Variants in CAMKK1 observed in about 807,000 individuals in gnomAD.
The protein encoded by CAMKK1 is calcium/calmodulin dependent protein kinase kinase 1, also known as calcium/calmodulin-dependent protein kinase kinase 1.
CAMKK1 carries 20 observed loss-of-function variants against 63.5 expected under a neutral mutation model. That is an observed-to-expected ratio of 0.32 (90% CI 0.22 to 0.46). CAMKK1 has a LOEUF of 0.46. Ranked by LOEUF, CAMKK1 falls within the 20% of genes least tolerant of loss-of-function variation. The pLI is 1.00. For synonymous variants in CAMKK1, 253 were observed against 269.0 expected (o/e 0.94, Z 0.58); for missense variants, 588 against 658.1 (o/e 0.89, Z 1.17).
Position 3,883,097 on chromosome 17 carries a change from T to C in CAMKK1, c.593A>G (p.Gln198Arg). Residue 198 changes from glutamine to arginine, a missense_variant, in exon 6 of 16, where the codon CAG (glutamine) becomes CGG (arginine). By Grantham distance (43) the Gln-to-Arg change is conservative. Around this residue, in one of 3 missense-constraint regions of CAMKK1, gnomAD observed 357 missense variants for 407.4 expected, o/e 0.88. Coordinates refer to ENST00000348335, the MANE Select transcript of CAMKK1 (RefSeq NM_032294.3). The surrounding 1 kb of genome is among the most constrained non-coding windows in gnomAD (Gnocchi z 4.7). The part of the protein sequence containing the change: ...KQLLPLERVY[Q>R]EIAILKKLDH... ...CAGCTTCTTCAGGATGGCAATCTCCTGGTACACCCGCTCCAGGGGCAGCAG... is the reference window on the plus strand; with the variant it reads ...CAGCTTCTTCAGGATGGCAATCTCCCGGTACACCCGCTCCAGGGGCAGCAG... 1 of 1,613,806 alleles carries C rather than the reference T, an allele frequency of 6.2e-7. No individual in the cohort carries two copies. The highest frequency in any genetic ancestry group is 8.5e-7 in the Non-Finnish European group (1 of 1,179,942).
chr17:3,882,229 AC>A lies in CAMKK1; in HGVS notation c.685+298del. ...AGGCACAGAGCTACAGTGTCTGGGAACCCATGCAGCCTGCTTCCTGCATCTA... is the reference window on the plus strand; with the variant it reads ...AGGCACAGAGCTACAGTGTCTGGGAACCATGCAGCCTGCTTCCTGCATCTA... On this transcript the variant is annotated intron_variant, in intron 7 of 15. Transcript: ENST00000348335. The surrounding 1 kb of genome is among the most constrained non-coding windows in gnomAD (Gnocchi z 4.3). 4.0e-6 allele frequency: 6 copies of A among 1,510,654 alleles called. No homozygotes were observed. The highest frequency in any genetic ancestry group is 5.5e-6 in the Non-Finnish European group (6 of 1,094,030). The allele number at this position is 1,510,654 out of a possible 1,614,324, so 93.6% of individuals were successfully genotyped here.
chr17:3,880,024 C>T (rs1170814022), intron 9 of CAMKK1: 1 of 345,402 alleles, frequency 2.9e-6, no homozygotes, highest in Admixed American at 4.4e-5. Context: ...AAATCCCTTC[C>T]TTCCCACATC....
chr17:3,874,616 A>AT (rs2055056980), intron 10 of CAMKK1, among the ~76,000 whole-genome samples: 1 of 105,298 alleles, frequency 9.5e-6, no homozygotes, highest in African/African-American at 3.6e-5. Context: ...CAGGTGATCC[A>AT]CCTGCCTCGG....
chr17:3,891,990 C>A (rs2055919556), intron 1 of CAMKK1, among the ~76,000 whole-genome samples: 1 of 152,088 alleles, frequency 6.6e-6, no homozygotes, highest in South Asian at 2.1e-4. Context: ...GTGTGTGCGC[C>A]TGGGACGCAG....
chr17:3,888,122 G>T (rs374001807), intron 1 of CAMKK1, among the ~76,000 whole-genome samples: 1 of 152,262 alleles, frequency 6.6e-6, no homozygotes, highest in South Asian at 2.1e-4. Context: ...ATAACAGAAT[G>T]AACTCCAGAG....
chr17:3,867,250 C>T (rs931121678), intron 14 of CAMKK1, among the ~76,000 whole-genome samples: 13 of 152,156 alleles, frequency 8.5e-5, no homozygotes, highest in African/African-American at 2.2e-4. Flanking sequence ...CCGTGGCCAT[C>T]GGGGGTGGGA....
At chr17:3,876,729 A>G (rs1311904771) in intron 9 of CAMKK1, among the ~76,000 whole-genome samples, 4 of 147,854 alleles carry the variant, frequency 2.7e-5, no homozygotes, top group Admixed American at 6.7e-5. Flanking sequence ...AAACTAGGGC[A>G]GGAGAGTTGT....
intron 15 of CAMKK1, among the ~76,000 whole-genome samples, chr17:3,864,119 A>AT (rs1225262398): frequency 0.027 from 3,865 of 141,328 alleles, 173 homozygotes; most frequent in African/African-American, 0.093. Context: ...CGCCCGGCTA[A>AT]TTTTTTTTTT....
chr17:3,887,796 G>A lies in CAMKK1; in HGVS notation c.-43-2066C>T, dbSNP rs2055720536. 6.6e-6 allele frequency among the ~76,000 whole-genome samples: 1 copy of A among 152,148 alleles called. No individual in the cohort carries two copies. Among genetic ancestry groups the A allele is most frequent in the African/African-American group, 2.4e-5 (1 of 41,426 alleles). On this transcript the variant is annotated intron_variant, in intron 1 of 15. Coordinates refer to ENST00000348335, the MANE Select transcript of CAMKK1 (RefSeq NM_032294.3). This position sits in a 1 kb window ranked among gnomAD's most constrained non-coding sequence, Gnocchi z 6.1. Reference sequence around the variant, plus strand: ...AGAGCTTGGAAACCAGACAGCATAGGAAGGAGGAAGCCAAAGCTGGGAACA... The same window carrying A: ...AGAGCTTGGAAACCAGACAGCATAGAAAGGAGGAAGCCAAAGCTGGGAACA...
chr17:3,862,148 G>T lies in CAMKK1; in HGVS notation c.*63C>A. On this transcript the variant is annotated 3_prime_UTR_variant, in exon 16 of 16. Transcript: ENST00000348335. This position sits in a 1 kb window ranked among gnomAD's most constrained non-coding sequence, Gnocchi z 4.1. Reference sequence around the variant, plus strand: ...CCTGCGGGGGCGGCTGTTGCATGAGGGGTGGGCCTCTGGAGGCGCGGGATG... The same window carrying T: ...CCTGCGGGGGCGGCTGTTGCATGAGTGGTGGGCCTCTGGAGGCGCGGGATG... The T allele has an allele frequency of 7.2e-7, 1 of 1,390,236 alleles. No individual in the cohort carries two copies. The highest frequency in any genetic ancestry group is 1.2e-5 in the South Asian group (1 of 80,904). 86.1% of individuals were successfully genotyped at this position (1,390,236 alleles called of 1,614,324 possible).
Position 3,890,606 on chromosome 17 carries a change from C to A in CAMKK1, c.-44+2333G>T. On this transcript the variant is annotated intron_variant, in intron 1 of 15. Transcript: ENST00000348335. The surrounding 1 kb of genome is among the most constrained non-coding windows in gnomAD (Gnocchi z 6.5). Reference sequence around the variant, plus strand: ...GGTACCACACCCTCCCCATTCTTTCCTGACCCAGGTCAGCAATCCGGGAGC... The same window carrying A: ...GGTACCACACCCTCCCCATTCTTTCATGACCCAGGTCAGCAATCCGGGAGC... 1.3e-6 allele frequency: 1 copy of A among 778,594 alleles called. No homozygotes were observed. Among genetic ancestry groups the A allele is most frequent in the South Asian group, 1.3e-5 (1 of 74,500 alleles). The allele number at this position is 778,594 out of a possible 1,614,324, so 48.2% of individuals were successfully genotyped here. A position where few individuals can be genotyped will look rare whatever the true frequency, so the allele number is the denominator to read the frequency against.
At chr17:3,872,284 G>A (rs1196903732) in intron 12 of CAMKK1, among the ~76,000 whole-genome samples, 1 of 152,216 alleles carries the variant, frequency 6.6e-6, no homozygotes, top group African/African-American at 2.4e-5. Context: ...CCCCAGGCAG[G>A]CCTGCGGTGA....
At position 3,880,347 on chromosome 17, in the gene CAMKK1, G is replaced by A; in HGVS notation, c.795C>T (p.Tyr265=). The part of the protein sequence containing the change: ...YLRDVILGLE[Y]LHCQKIVHRD... ...GTGGGCAAGCTGCCCCGCACTCACAGTACTCGAGGCCCAGGATGACGTCCC... is the reference window on the plus strand; with the variant it reads ...GTGGGCAAGCTGCCCCGCACTCACAATACTCGAGGCCCAGGATGACGTCCC... Residue 265 remains tyrosine (Y), a splice_region_variant and synonymous_variant, in exon 9 of 16, where the codon TAC becomes TAT. Coordinates refer to ENST00000348335, the MANE Select transcript of CAMKK1 (RefSeq NM_032294.3). 6.2e-7 allele frequency: 1 copy of A among 1,613,740 alleles called. No homozygotes were observed. Among genetic ancestry groups the A allele is most frequent in the Non-Finnish European group, 8.5e-7 (1 of 1,179,832 alleles).
intron 1 of CAMKK1, among the ~76,000 whole-genome samples, chr17:3,891,787 C>G (rs1479749859): frequency 6.6e-6 from 1 of 152,114 alleles, no homozygotes; most frequent in Non-Finnish European, 1.5e-5. Context: ...ATAGGAGAGT[C>G]ATTTCCTGGC....
intron 10 of CAMKK1, among the ~76,000 whole-genome samples, chr17:3,875,003 T>A (rs1220693176): frequency 1.3e-5 from 2 of 151,714 alleles, no homozygotes. Flanking sequence ...GCGCCTGTAG[T>A]CCCAGCTACT....
Position 3,890,326 on chromosome 17 carries a change from C to T in CAMKK1, c.-44+2613G>A, listed in dbSNP as rs757110809. On this transcript the variant is annotated intron_variant, in intron 1 of 15. Coordinates refer to ENST00000348335, the MANE Select transcript of CAMKK1 (RefSeq NM_032294.3). The surrounding 1 kb of genome is among the most constrained non-coding windows in gnomAD (Gnocchi z 6.5). ...CCTGGGGAGCCCCCAAGCACCAATACGGGCTGTTGCCTGACTCAGCACAGC... is the reference window on the plus strand; with the variant it reads ...CCTGGGGAGCCCCCAAGCACCAATATGGGCTGTTGCCTGACTCAGCACAGC... Among the ~76,000 whole-genome samples the T allele has an allele frequency of 4.6e-4, 70 of 152,190 alleles. No homozygotes were observed. The highest frequency in any genetic ancestry group is 1.1e-3 in the African/African-American group (47 of 41,452).
chr17:3,873,230 G>A (rs1315426636), intron 11 of CAMKK1, among the ~76,000 whole-genome samples, 179 bp downstream of exon 11: 4 of 152,232 alleles, frequency 2.6e-5, no homozygotes, highest in African/African-American at 4.8e-5. Context: ...ACTCCTTCGC[G>A]AGAATCGCTC....
intron 11 of CAMKK1, among the ~76,000 whole-genome samples, chr17:3,873,064 G>T (rs903885064): frequency 1.3e-5 from 2 of 152,228 alleles, no homozygotes; most frequent in African/African-American, 4.8e-5. Flanking sequence ...AGCCAGGGTA[G>T]GGGTGAAGGA....
intron 15 of CAMKK1, among the ~76,000 whole-genome samples, chr17:3,864,910 C>G (rs1232135964): frequency 6.6e-6 from 1 of 152,196 alleles, no homozygotes; most frequent in Non-Finnish European, 1.5e-5. Flanking sequence ...ACATGGTGGT[C>G]CCGGACAGGC....
Sources: gnomAD v4.1 joint callset for allele counts (sites outside exome capture counted in the v4.1 genomes callset) on GRCh38, gnomAD v4.1.1 for gene constraint, gnomAD v4.1.1 regional missense constraint, Gnocchi (gnomAD v3.1) non-coding constraint, MANE v1.5 for transcripts, NCBI Gene and HGNC (gene_info 2026-07-23, HGNC 2026-07-21) for gene names.